Variants in KAT14 observed in about 807,000 individuals in gnomAD.
KAT14 encodes the protein lysine acetyltransferase 14, also known as cysteine-rich protein 2-binding protein.
Under a neutral mutation model 78.4 loss-of-function variants are expected in KAT14, and 66 were observed. The ratio of observed to expected loss-of-function variants is 0.84; its 90% CI spans 0.69 to 1.03. KAT14 has a LOEUF of 1.03. Among genes scored for constraint, KAT14 ranks in the 50% least tolerant of loss-of-function variants. KAT14 has a pLI of 0.00. For missense variants in KAT14, 870 were observed against 972.5 expected (o/e 0.89, Z 1.40); for synonymous variants, 344 against 359.4 (o/e 0.96, Z 0.48).
intron 4 of KAT14, among the ~76,000 whole-genome samples, chr20:18,155,321 T>TA (rs1316888681): frequency 6.6e-6 from 1 of 152,232 alleles, no homozygotes; most frequent in African/African-American, 2.4e-5. Flanking sequence ...TTTAATATGT[T>TA]ATTAAAGTTT....
intron 1 of KAT14, among the ~76,000 whole-genome samples, chr20:18,141,040 T>TA (rs1251093875): frequency 1.8e-5 from 1 of 55,152 alleles, no homozygotes; most frequent in Non-Finnish European, 3.5e-5. Flanking sequence ...TTTTTTTTTT[T>TA]TTTTTTATTT....
rs559891335 is a variant in KAT14 at position 18,157,414 on chromosome 20, G to A, written c.501-1670G>A. Among the ~76,000 whole-genome samples, 7 of 152,108 alleles carry A rather than the reference G, an allele frequency of 4.6e-5. No individual in the cohort carries two copies. In the East Asian group the frequency reaches 9.7e-4, roughly 21 times the overall value. ...TATTTTTATTTTTTTGTAAAAATGA[G>A]GTCTCACTATGTTGCCCAGACTTCT... On this transcript the variant is annotated intron_variant, in intron 4 of 10. Coordinates refer to ENST00000688188, the MANE Select transcript of KAT14 (RefSeq NM_001392073.1).
At chr20:18,164,467 C>T (rs2038561962) in intron 7 of KAT14, among the ~76,000 whole-genome samples, 1 of 152,192 alleles carries the variant, frequency 6.6e-6, no homozygotes, top group African/African-American at 2.4e-5. Context: ...AGCCTGATGC[C>T]TTAGGTGACT....
chr20:18,137,884 C>G lies in KAT14; in HGVS notation c.-621C>G, dbSNP rs1453831105. 7.2e-7 allele frequency: 1 copy of G among 1,392,794 alleles called. No homozygotes were observed. The highest frequency in any genetic ancestry group is 1.4e-5 in the South Asian group (1 of 68,996). The allele number at this position is 1,392,794 out of a possible 1,614,324, so 86.3% of individuals were successfully genotyped here. Reference sequence around the variant, plus strand: ...GGTCGAGCCTGGGCAGTACAGGCGGCGGTGCGCACTCTGCGGCGGCCTCTG... The same window carrying G: ...GGTCGAGCCTGGGCAGTACAGGCGGGGGTGCGCACTCTGCGGCGGCCTCTG... On this transcript the variant is annotated 5_prime_UTR_variant, in exon 1 of 11. Coordinates refer to ENST00000688188, the MANE Select transcript of KAT14 (RefSeq NM_001392073.1).
chr20:18,148,046 G>A (rs8116373), intron 3 of KAT14, among the ~76,000 whole-genome samples: 14 of 152,276 alleles, frequency 9.2e-5, no homozygotes, highest in African/African-American at 3.4e-4. Context: ...AGTTGCATCT[G>A]AAAAAGCCCA....
chr20:18,159,312 A>G, intron 5 of KAT14, 47 bp downstream of exon 5: 1 of 1,589,192 alleles, frequency 6.3e-7, no homozygotes, highest in Non-Finnish European at 8.5e-7. Flanking sequence ...GACCAGAGCC[A>G]AGCAGGTGTG....
Position 18,145,172 on chromosome 20 carries a change from A to G in KAT14, c.260-61A>G, listed in dbSNP as rs1038402192. 4 of 1,568,058 alleles carry G rather than the reference A, an allele frequency of 2.6e-6. No individual in the cohort carries two copies. In the African/African-American group the frequency reaches 4.1e-5, roughly 16 times the overall value. On this transcript the variant is annotated intron_variant, in intron 2 of 10. Transcript: ENST00000688188. ...GAAAATCTGGGTGATAAACGGATTA[A>G]ACCTTTAGGTTACCGCTGCTCTAGA...
intron 7 of KAT14, among the ~76,000 whole-genome samples, chr20:18,169,404 C>T (rs139267275): frequency 1.3e-5 from 2 of 152,120 alleles, no homozygotes; most frequent in African/African-American, 4.8e-5. Context: ...CTGTGTCTCA[C>T]GTTTTGGCAG....
intron 1 of KAT14, 186 bp downstream of exon 1, chr20:18,138,237 G>C: frequency 8.0e-7 from 1 of 1,247,794 alleles, no homozygotes; most frequent in Non-Finnish European, 1.0e-6. Context: ...GGGCGCTGCA[G>C]CTCCCGGCGG....
chr20:18,187,435 ATTCT>A lies in KAT14; in HGVS notation c.2327_2330del (p.Phe776Ter). 1 of 1,614,178 alleles carries A rather than the reference ATTCT, an allele frequency of 6.2e-7. No homozygotes were observed. Among genetic ancestry groups the A allele is most frequent in the Non-Finnish European group, 8.5e-7 (1 of 1,180,036 alleles). On this transcript the variant is annotated frameshift_variant, in exon 11 of 11. Coordinates refer to ENST00000688188, the MANE Select transcript of KAT14 (RefSeq NM_001392073.1). LOFTEE classifies it high-confidence loss of function. Reference sequence around the variant, plus strand: ...TGGAGAGTACAGAGTGTAAACACGCATTCTTTCTGAGGCTCCGGCGCTGATGCGA... The same window carrying A: ...TGGAGAGTACAGAGTGTAAACACGCATTCTGAGGCTCCGGCGCTGATGCGA...
At chr20:18,138,249 C>G (rs2037375414) in intron 1 of KAT14, 198 bp downstream of exon 1, 6 of 1,237,458 alleles carry the variant, frequency 4.8e-6, no homozygotes, top group African/African-American at 1.6e-5. Context: ...TCCCGGCGGG[C>G]GTGTGCAGCC....
intron 8 of KAT14, 49 bp from the exon 9 acceptor site, chr20:18,183,074 C>G (rs1172689422): frequency 1.9e-6 from 3 of 1,560,464 alleles, no homozygotes; most frequent in Non-Finnish European, 2.6e-6. Context: ...AGGAATAATA[C>G]CAGGTATTTT....
At chr20:18,149,868 T>C (rs2037971882) in intron 3 of KAT14, among the ~76,000 whole-genome samples, 1 of 152,104 alleles carries the variant, frequency 6.6e-6, no homozygotes, top group Non-Finnish European at 1.5e-5. Context: ...GAAAATTGCT[T>C]GAACCCAGGA....
At position 18,142,934 on chromosome 20, in the gene KAT14, A is replaced by G. The variant is rs374911798; in HGVS notation, c.259+15A>G. 3.5e-4 allele frequency: 563 copies of G among 1,610,004 alleles called. 2 individuals are homozygous for G. The African/African-American group carries it at 7.1e-3, about 20-fold the overall frequency. ...GATACCAGCCAGTAAGGAGCTTCTC[A>G]ATTCCTTTGATTTGTCAATTCCTGT... On this transcript the variant is annotated intron_variant, in intron 2 of 10. Transcript: ENST00000688188.
In KAT14 at chr20:18,181,695, GTTTC is replaced by G. The variant is rs1159618895; in HGVS notation, c.1669-9_1669-6del. ...GAGTAATTATTTCTATATAACCAGT[GTTTC>G]TTTCTCATAGACTTCCTTGCCGTCC... On this transcript the variant is annotated splice_polypyrimidine_tract_variant and intron_variant, in intron 7 of 10. Transcript: ENST00000688188. 1 of 1,613,856 alleles carries G rather than the reference GTTTC, an allele frequency of 6.2e-7. No individual in the cohort carries two copies. The highest frequency in any genetic ancestry group is 8.5e-7 in the Non-Finnish European group (1 of 1,179,966).
intron 8 of KAT14, among the ~76,000 whole-genome samples, chr20:18,182,635 C>T (rs568203304): frequency 3.3e-5 from 5 of 152,308 alleles, no homozygotes; most frequent in African/African-American, 1.2e-4. Flanking sequence ...CACATTATTG[C>T]ACTCATTGCA....
chr20:18,178,445 G>C (rs1205209), intron 7 of KAT14, among the ~76,000 whole-genome samples: 17,007 of 152,146 alleles, frequency 0.11, 1,703 homozygotes, highest in East Asian at 0.51. Flanking sequence ...AGATTGGGAA[G>C]AAAAAGAGGT....
chr20:18,167,046 G>A (rs1420574698), intron 7 of KAT14, among the ~76,000 whole-genome samples: 1 of 152,208 alleles, frequency 6.6e-6, no homozygotes. Context: ...CAGCCCTCCA[G>A]CTGGATCCCC....
intron 4 of KAT14, among the ~76,000 whole-genome samples, chr20:18,154,119 T>C (rs1275462169): frequency 1.3e-5 from 2 of 152,200 alleles, no homozygotes; most frequent in African/African-American, 4.8e-5. Context: ...ATATCAGTGA[T>C]TGGAGAAGTC....
Sources: allele counts gnomAD v4.1 joint callset (sites outside exome capture counted in the v4.1 genomes callset), GRCh38; gene constraint gnomAD v4.1.1; transcripts MANE v1.5; gene names NCBI Gene and HGNC (gene_info 2026-07-23, HGNC 2026-07-21).